Variants in AIFM3 observed in about 807,000 individuals in gnomAD.
The protein encoded by AIFM3 is AIF family member 3, also known as apoptosis-inducing factor 3.
AIFM3 carries 71 observed loss-of-function variants against 82.7 expected under a neutral mutation model. The ratio of observed to expected loss-of-function variants is 0.86; its 90% CI spans 0.71 to 1.05. AIFM3 has a LOEUF of 1.05. AIFM3 is among the 50% of genes least tolerant of loss of function. AIFM3 has a pLI of 0.00. For synonymous variants in AIFM3, 337 were observed against 329.1 expected, an observed-to-expected ratio of 1.02 and a Z score of -0.26; for missense variants, 748 against 816.7, an observed-to-expected ratio of 0.92 and a Z score of 1.03.
At chr22:20,970,934 G>A (rs1601701031) in intron 2 of AIFM3, among the ~76,000 whole-genome samples, 1 of 152,222 alleles carries the variant, frequency 6.6e-6, no homozygotes, top group Non-Finnish European at 1.5e-5. Flanking sequence ...GGCATCTTAA[G>A]GCCCAAAGGG....
At chr22:20,971,111 G>A (rs1923238081) in intron 2 of AIFM3, among the ~76,000 whole-genome samples, 1 of 152,226 alleles carries the variant, frequency 6.6e-6, no homozygotes, top group Non-Finnish European at 1.5e-5. Context: ...GGGAGGAGGT[G>A]GAGGATGAGA....
At chr22:20,969,018 G>T (rs1441848420) in intron 2 of AIFM3, among the ~76,000 whole-genome samples, 1 of 152,200 alleles carries the variant, frequency 6.6e-6, no homozygotes, top group Non-Finnish European at 1.5e-5. Flanking sequence ...CCGCTCCTGT[G>T]CTGTGGACAC....
At chr22:20,975,811 G>C (rs1441148832) in intron 9 of AIFM3, 33 bp downstream of exon 9, 3 of 1,605,266 alleles carry the variant, frequency 1.9e-6, no homozygotes, top group Non-Finnish European at 2.5e-6. Flanking sequence ...CAGGCCCGAG[G>C]AGGGAAGGTG....
At chr22:20,977,201 C>A in intron 14 of AIFM3, 106 bp downstream of exon 14, 1 of 1,477,948 alleles carries the variant, frequency 6.8e-7, no homozygotes, top group Non-Finnish European at 9.3e-7. Context: ...TCAGTTTCCA[C>A]CACATCTGTC....
At position 20,976,258 on chromosome 22, in the gene AIFM3, A is replaced by G; in HGVS notation, c.851A>G (p.Asp284Gly). The change falls in exon 10 of 21, where the codon GAT becomes GGT. Residue 284 changes from aspartate (D) to glycine (G), a missense_variant. This residue lies in a region of AIFM3 where 393 missense variants were observed against 481.1 expected (regional missense o/e 0.82). Coordinates refer to ENST00000440238, the MANE Select transcript of AIFM3 (RefSeq NM_001386814.1). ...DVRTKKVVFK[D>G]GFKLEYSKLL... ...AGAACTAAGAAGGTCGTGTTCAAGG[A>G]TGGCTTCAAGCTGGAGTACAGCAAG... is the stretch of plus-strand genomic sequence containing the variant. The G allele has an allele frequency of 1.9e-6, 3 of 1,614,036 alleles. No individual in the cohort carries two copies. The highest frequency in any genetic ancestry group is 2.5e-6 in the Non-Finnish European group (3 of 1,180,006).
chr22:20,973,652 C>A, intron 3 of AIFM3, 106 bp from the exon 4 acceptor site: 1 of 1,399,114 alleles, frequency 7.1e-7, no homozygotes, highest in Non-Finnish European at 9.7e-7. Context: ...GCCTTTGTGG[C>A]TTCTACCGGT....
Position 20,980,174 on chromosome 22 carries a change from C to T in AIFM3, c.1757+50C>T, listed in dbSNP as rs974187566. ...GGGGTGGGAGTAGTTCCCTGGAGTA[C>T]TGGCTAAGGTGCCTATGACAGCCAG... On this transcript the variant is annotated intron_variant, in intron 19 of 20. Transcript: ENST00000440238. The T allele has an allele frequency of 1.9e-6, 3 of 1,557,540 alleles. No individual in the cohort carries two copies. In the African/African-American group the frequency reaches 4.1e-5, roughly 21 times the overall value.
chr22:20,976,875 GA>G lies in AIFM3; in HGVS notation c.1157del (p.Asn386ThrfsTer4), dbSNP rs1923715370. ...VGRALMKMFE[N>X]NRVKFYMQTE... is the part of the protein sequence containing the mutation. ...CCCACTTGCCCTGACAGATGTTTGA[GA>G]ACAACCGGGTGAAGTTCTACATGCA... is the stretch of plus-strand genomic sequence containing the variant. On this transcript the variant is annotated frameshift_variant, in exon 13 of 21. Coordinates refer to ENST00000440238, the MANE Select transcript of AIFM3 (RefSeq NM_001386814.1). LOFTEE classifies it high-confidence loss of function. 1 of 1,602,050 alleles carries G rather than the reference GA, an allele frequency of 6.2e-7. No individual in the cohort carries two copies. Among genetic ancestry groups the G allele is most frequent in the Non-Finnish European group, 8.5e-7 (1 of 1,172,446 alleles).
Position 20,980,409 on chromosome 22 carries a change from C to T in AIFM3, c.1757+285C>T, listed in dbSNP as rs1924018843. ...GCCCAATGCATGGGCAATCACCAGG[C>T]GTGGGACACCTAACTGGACATAGTT... On this transcript the variant is annotated intron_variant, in intron 19 of 20. Transcript: ENST00000440238. 7 of 594,464 alleles carry T rather than the reference C, an allele frequency of 1.2e-5. No individual in the cohort carries two copies. Among genetic ancestry groups the T allele is most frequent in the South Asian group, 2.0e-5 (1 of 50,130 alleles). 36.8% of individuals were successfully genotyped at this position (594,464 alleles called of 1,614,324 possible).
chr22:20,975,881 C>G, intron 9 of AIFM3, 103 bp downstream of exon 9: 1 of 1,341,686 alleles, frequency 7.5e-7, no homozygotes, highest in Non-Finnish European at 1.0e-6. Context: ...CTTCCTGGCC[C>G]CACAGCCCAG....
Position 20,979,353 on chromosome 22 carries a change from G to A in AIFM3, c.1560G>A (p.Lys520=). ...VPYLWTAMFG[K]SLRYAGYGEG... ...ACCTCTGGACCGCCATGTTTGGCAAGAGCCTGCGCTACGCGGGTAACCCCG... is the reference window on the plus strand; with the variant it reads ...ACCTCTGGACCGCCATGTTTGGCAAAAGCCTGCGCTACGCGGGTAACCCCG... Residue 520 remains lysine (K), a synonymous_variant, in exon 17 of 21, where the codon AAG becomes AAA. Transcript: ENST00000440238. 1 of 1,555,408 alleles carries A rather than the reference G, an allele frequency of 6.4e-7. No individual in the cohort carries two copies.
At position 20,977,065 on chromosome 22, in the gene AIFM3, G is replaced by T. The variant is rs374823610; in HGVS notation, c.1252G>T (p.Val418Leu). 5 of 1,614,062 alleles carry T rather than the reference G, an allele frequency of 3.1e-6. No individual in the cohort carries two copies. The African/African-American group carries it at 4.0e-5, about 13-fold the overall frequency. ...GGTTGTGCTGAAGAGCAGCAAGGTC[G>T]TGCGGGCTGACGTCTGCGTGGTGGG... ...KEVVLKSSKV[V>L]RADVCVVGIG... is the part of the protein sequence containing the mutation. The change falls in exon 14 of 21, where the codon GTG becomes TTG. Residue 418 changes from valine to leucine, a missense_variant. By Grantham distance (32) the Val-to-Leu change is conservative. This residue lies in a region of AIFM3 where 393 missense variants were observed against 481.1 expected (regional missense o/e 0.82). Transcript: ENST00000440238.
rs1923439165 is a variant in AIFM3 at position 20,973,849 on chromosome 22, GGC to G, written c.340_341del (p.Ala114ThrfsTer45). The G allele has an allele frequency of 6.4e-7, 1 of 1,553,324 alleles. No homozygotes were observed. The highest frequency in any genetic ancestry group is 8.7e-7 in the Non-Finnish European group (1 of 1,147,958). On this transcript the variant is annotated frameshift_variant, in exon 4 of 21. Transcript: ENST00000440238. LOFTEE classifies it high-confidence loss of function. ...HALGHKCPHY[G>X]APLVKGVLSR... Reference sequence around the variant, plus strand: ...CCTGGGCCATAAGTGTCCGCACTACGGCGCACCCCTGGTGAAAGGTGAGCTGT... The same window carrying G: ...CCTGGGCCATAAGTGTCCGCACTACGGCACCCCTGGTGAAAGGTGAGCTGT...
In AIFM3 at chr22:20,977,743, T is replaced by G; in HGVS notation, c.1326T>G (p.Gly442=). 1 of 1,614,032 alleles carries G rather than the reference T, an allele frequency of 6.2e-7. No individual in the cohort carries two copies. Among genetic ancestry groups the G allele is most frequent in the Non-Finnish European group, 8.5e-7 (1 of 1,180,000 alleles). ...GCTTCCTGAGGCAAAGCGGCATCGG[T>G]TTGGATTCCCGAGGCTTCATCCCTG... The part of the protein sequence containing the change: ...ATGFLRQSGI[G]LDSRGFIPVN... The change falls in exon 15 of 21, where the codon GGT becomes GGG. Residue 442 remains glycine, a synonymous_variant. Transcript: ENST00000440238.
Position 20,975,788 on chromosome 22 carries a change from C to T in AIFM3, c.807+10C>T. ...GCTCACCGAGGCTCAGGTACAGGGT[C>T]AAGGGTGGGAAACAGGCCCGAGGAG... On this transcript the variant is annotated intron_variant, in intron 9 of 20. Transcript: ENST00000440238. 2 of 1,611,072 alleles carry T rather than the reference C, an allele frequency of 1.2e-6. No individual in the cohort carries two copies. Among genetic ancestry groups the T allele is most frequent in the Non-Finnish European group, 8.5e-7 (1 of 1,179,900 alleles).
intron 6 of AIFM3, 74 bp from the exon 7 acceptor site, chr22:20,974,451 G>A: frequency 6.4e-7 from 1 of 1,564,654 alleles, no homozygotes; most frequent in East Asian, 2.3e-5. Flanking sequence ...CTGGGCTGGA[G>A]CGCCAGGACC....
Position 20,976,448 on chromosome 22 carries a change from G to A in AIFM3, c.940G>A (p.Val314Met), listed in dbSNP as rs776650994. The part of the protein sequence containing the change: ...LSCKGKEVEN[V>M]FTIRTPEDAN... ...CTGCAAAGGCAAAGAAGTGGAGAAC[G>A]TGTTCACTATCCGGACGCCAGAGGA... Residue 314 changes from valine (V) to methionine (M), a missense_variant, in exon 11 of 21, where the codon GTG becomes ATG. Val to Met is a conservative substitution (Grantham distance 21, BLOSUM62 1). Coordinates refer to ENST00000440238, the MANE Select transcript of AIFM3 (RefSeq NM_001386814.1). The A allele has an allele frequency of 2.2e-5, 35 of 1,613,966 alleles. No individual in the cohort carries two copies. Among genetic ancestry groups the A allele is most frequent in the African/African-American group, 9.3e-5 (7 of 74,942 alleles).
intron 2 of AIFM3, 58 bp downstream of exon 2, chr22:20,968,033 C>T (rs976751419): frequency 1.6e-5 from 22 of 1,395,144 alleles, no homozygotes; most frequent in African/African-American, 1.1e-4. Flanking sequence ...CCTCCTCCCC[C>T]GTCTCCCCCC....
chr22:20,980,318 A>G, intron 19 of AIFM3, 194 bp downstream of exon 19: 1 of 612,830 alleles, frequency 1.6e-6, no homozygotes, highest in South Asian at 2.0e-5. Context: ...TTATGTGTTC[A>G]TGGTGGATGG....
Sources: gnomAD v4.1 joint callset for allele counts (sites outside exome capture counted in the v4.1 genomes callset) on GRCh38, gnomAD v4.1.1 for gene constraint, gnomAD v4.1.1 regional missense constraint, MANE v1.5 for transcripts, NCBI Gene and HGNC (gene_info 2026-07-23, HGNC 2026-07-21) for gene names.